Variants in GNAT3 observed in about 807,000 individuals in gnomAD.
The protein encoded by GNAT3 is G protein subunit alpha transducin 3, also known as guanine nucleotide-binding protein G(t) subunit alpha-3.
In GNAT3, 31 loss-of-function variants were observed where a neutral mutation model predicts 37.7. The observed-to-expected ratio is 0.82, with a 90% CI of 0.62 to 1.11. The LOEUF is 1.11. Ranked by LOEUF, GNAT3 falls within the 50% of genes most tolerant of loss-of-function variation. The pLI is 0.00. For synonymous variants in GNAT3, 138 were observed against 139.8 expected (o/e 0.99, Z 0.09); for missense variants, 437 against 412.5 (o/e 1.06, Z -0.51).
rs144838738 is a variant in GNAT3 at position 80,508,752 on chromosome 7, T to G, written c.118+3057A>C. On this transcript the variant is annotated intron_variant, in intron 1 of 7. Coordinates refer to ENST00000398291, the MANE Select transcript of GNAT3 (RefSeq NM_001102386.3). ...TGATCCTTTAATTGTAAAGTCGCAC[T>G]TTGACCGCTCTTCAGATTCAGTGAA... is the stretch of plus-strand genomic sequence containing the variant. Among the ~76,000 whole-genome samples, 311 of 152,198 alleles carry G rather than the reference T, an allele frequency of 2.0e-3. 2 individuals are homozygous for G. Among genetic ancestry groups the G allele is most frequent in the African/African-American group, 7.1e-3 (297 of 41,570 alleles).
At chr7:80,479,218 G>A (rs76700001) in intron 3 of GNAT3, among the ~76,000 whole-genome samples, 1 of 142,908 alleles carries the variant, frequency 7.0e-6, no homozygotes, top group African/African-American at 2.9e-5. Context: ...AAAATATTAT[G>A]TGAAGAAATT....
chr7:80,477,910 G>T (rs533923493), intron 4 of GNAT3, among the ~76,000 whole-genome samples: 2 of 152,256 alleles, frequency 1.3e-5, no homozygotes, highest in South Asian at 2.1e-4. Flanking sequence ...TAAAATAATT[G>T]TTTTTTGGGG....
chr7:80,459,767 C>G (rs1419536055), intron 7 of GNAT3, among the ~76,000 whole-genome samples: 1 of 152,136 alleles, frequency 6.6e-6, no homozygotes, highest in Non-Finnish European at 1.5e-5. Context: ...TTTATTGTAA[C>G]TAGAAACAAA....
intron 6 of GNAT3, 55 bp from the exon 7 acceptor site, chr7:80,462,367 G>C: frequency 6.4e-7 from 1 of 1,570,586 alleles, no homozygotes; most frequent in Non-Finnish European, 8.7e-7. Flanking sequence ...AAATGTGAAT[G>C]TTGAGCATCA....
chr7:80,479,538 G>T (rs1039970382), intron 3 of GNAT3, among the ~76,000 whole-genome samples: 1 of 151,626 alleles, frequency 6.6e-6, no homozygotes, highest in African/African-American at 2.4e-5. Context: ...TGGGCAACAT[G>T]GCAAAATTTT....
At chr7:80,504,151 A>C (rs1790887796) in intron 1 of GNAT3, among the ~76,000 whole-genome samples, 1 of 152,126 alleles carries the variant, frequency 6.6e-6, no homozygotes, top group South Asian at 2.1e-4. Context: ...CTCTGTCTCT[A>C]CAAAAAATAG....
At chr7:80,486,534 T>G (rs1477885037) in intron 3 of GNAT3, 1 of 150,266 alleles carries the variant, frequency 6.7e-6, no homozygotes, top group African/African-American at 2.5e-5. Context: ...AACCTCAACC[T>G]CCCAAGCTCA....
Position 80,474,951 on chromosome 7 carries a change from A to G in GNAT3, c.462-572T>C, listed in dbSNP as rs185298639. On this transcript the variant is annotated intron_variant, in intron 4 of 7. Transcript: ENST00000398291. Reference sequence around the variant, plus strand: ...TATTTTTGCATGAATTTGCCTCATCAAGACTCAGCCATTTCCATTAAATGC... The same window carrying G: ...TATTTTTGCATGAATTTGCCTCATCGAGACTCAGCCATTTCCATTAAATGC... Among the ~76,000 whole-genome samples the G allele has an allele frequency of 1.2e-4, 19 of 152,266 alleles. No homozygotes were observed. The East Asian group carries it at 3.7e-3, about 29-fold the overall frequency.
intron 1 of GNAT3, among the ~76,000 whole-genome samples, chr7:80,501,156 TTC>T (rs1790825648): frequency 2.0e-5 from 3 of 152,116 alleles, no homozygotes; most frequent in African/African-American, 7.2e-5. Flanking sequence ...TTTGTACATT[TTC>T]TTTTGCCAAA....
chr7:80,459,415 A>T, intron 7 of GNAT3, among the ~76,000 whole-genome samples: 1 of 152,210 alleles, frequency 6.6e-6, no homozygotes, highest in East Asian at 1.9e-4. Context: ...AATTGTAGGA[A>T]ATCAAGTAGA....
chr7:80,499,866 A>G (rs1215588450), intron 1 of GNAT3, among the ~76,000 whole-genome samples: 1 of 152,202 alleles, frequency 6.6e-6, no homozygotes, highest in Admixed American at 6.5e-5. Flanking sequence ...AAATTGGGCT[A>G]AAACTTGGGA....
Position 80,488,523 on chromosome 7 carries a change from T to C in GNAT3, c.303+12A>G, listed in dbSNP as rs756265485. 1 of 1,595,798 alleles carries C rather than the reference T, an allele frequency of 6.3e-7. No individual in the cohort carries two copies. The highest frequency in any genetic ancestry group is 2.3e-5 in the East Asian group (1 of 44,362). ...TTGCAGGACATACAGCTGTCATTAT[T>C]TGCATACTTACTGCACTTCTGGGAT... On this transcript the variant is annotated intron_variant, in intron 3 of 7. Transcript: ENST00000398291.
chr7:80,506,174 C>T (rs569315739), intron 1 of GNAT3, among the ~76,000 whole-genome samples: 9 of 152,034 alleles, frequency 5.9e-5, no homozygotes, highest in Admixed American at 3.9e-4. Flanking sequence ...AATTCATGCT[C>T]GAATGAAAAT....
intron 1 of GNAT3, among the ~76,000 whole-genome samples, chr7:80,500,981 G>A (rs1374945801): frequency 6.6e-6 from 1 of 151,784 alleles, no homozygotes; most frequent in Non-Finnish European, 1.5e-5. Context: ...TGTCTGTGAG[G>A]ATGATTGACC....
At position 80,479,928 on chromosome 7, in the gene GNAT3, C is replaced by T. The variant is rs534647985; in HGVS notation, c.304-930G>A. ...ATGCCTTTGGAACAAATCAGTAGGA[C>T]AGAGGTGAGAGTTTTTTATGCAAAG... On this transcript the variant is annotated intron_variant, in intron 3 of 7. Coordinates refer to ENST00000398291, the MANE Select transcript of GNAT3 (RefSeq NM_001102386.3). 1.6e-4 allele frequency among the ~76,000 whole-genome samples: 24 copies of T among 151,958 alleles called. No homozygotes were observed. The South Asian group carries it at 5.0e-3, about 32-fold the overall frequency.
intron 3 of GNAT3, among the ~76,000 whole-genome samples, chr7:80,485,123 C>A (rs568830027): frequency 6.6e-6 from 1 of 151,600 alleles, no homozygotes; most frequent in South Asian, 2.1e-4. Context: ...CTTCTGTCCT[C>A]TCCCTTGAAG....
chr7:80,508,133 A>C (rs2116235067), intron 1 of GNAT3, among the ~76,000 whole-genome samples: 1 of 152,090 alleles, frequency 6.6e-6, no homozygotes, highest in East Asian at 1.9e-4. Flanking sequence ...GCTAAAAGTG[A>C]AAAATTGTAG....
chr7:80,470,615 A>C (rs1790198345), intron 5 of GNAT3, among the ~76,000 whole-genome samples: 1 of 152,186 alleles, frequency 6.6e-6, no homozygotes. Context: ...ATAGAGAATT[A>C]GCAAAACCCT....
At chr7:80,466,211 G>A (rs1354155275) in intron 5 of GNAT3, among the ~76,000 whole-genome samples, 1 of 152,106 alleles carries the variant, frequency 6.6e-6, no homozygotes, top group African/African-American at 2.4e-5. Flanking sequence ...AGCAGTGATG[G>A]CAGGGCTGTA....
Sources: gnomAD v4.1 joint callset for allele counts (sites outside exome capture counted in the v4.1 genomes callset) on GRCh38, gnomAD v4.1.1 for gene constraint, MANE v1.5 for transcripts, NCBI Gene and HGNC (gene_info 2026-07-23, HGNC 2026-07-21) for gene names.